Variants in MAP3K10 observed in about 807,000 individuals in gnomAD.
MAP3K10 encodes the protein mitogen-activated protein kinase kinase kinase 10, also known as MKN28 derived nonreceptor_type serine/threonine kinase.
A neutral mutation model predicts 75.0 loss-of-function variants in MAP3K10; 22 were observed. The ratio of observed to expected loss-of-function variants is 0.29; its 90% CI spans 0.21 to 0.42. MAP3K10 has a LOEUF of 0.42. Among genes scored for constraint, MAP3K10 ranks in the 10% least tolerant of loss-of-function variants. The pLI, the probability that MAP3K10 is intolerant of heterozygous loss-of-function variation, is 1.00. For synonymous variants in MAP3K10, 599 were observed against 612.9 expected (o/e 0.98, Z 0.34); for missense variants, 1,165 against 1,379.8 (o/e 0.84, Z 2.47).
rs574142916 is a variant in MAP3K10 at position 40,213,358 on chromosome 19, C to T, written c.1838-159C>T. On this transcript the variant is annotated intron_variant, in intron 8 of 9. Coordinates refer to ENST00000253055, the MANE Select transcript of MAP3K10 (RefSeq NM_002446.4). This position sits in a 1 kb window ranked among gnomAD's most constrained non-coding sequence, Gnocchi z 5.7. ...GGGGGTCATTTCCAGGGGCAGGGACCACCCTTCTCTGAGGCTTCTCCTGGA... is the reference window on the plus strand; with the variant it reads ...GGGGGTCATTTCCAGGGGCAGGGACTACCCTTCTCTGAGGCTTCTCCTGGA... The T allele has an allele frequency of 5.0e-5, 73 of 1,456,620 alleles. No homozygotes were observed. The African/African-American group carries it at 1.0e-3, about 20-fold the overall frequency. 90.2% of individuals were successfully genotyped at this position (1,456,620 alleles called of 1,614,324 possible).
chr19:40,191,433 G>A lies in MAP3K10; in HGVS notation c.-599G>A, dbSNP rs1318094612. ...CGGCGGCGGCGCCCACACGTCACTCGGGCCCCGCCGGTGGCCCGGGGAAGC... is the reference window on the plus strand; with the variant it reads ...CGGCGGCGGCGCCCACACGTCACTCAGGCCCCGCCGGTGGCCCGGGGAAGC... On this transcript the variant is annotated 5_prime_UTR_variant, in exon 1 of 10. Coordinates refer to ENST00000253055, the MANE Select transcript of MAP3K10 (RefSeq NM_002446.4). Among the ~76,000 whole-genome samples, 3 of 151,738 alleles carry A rather than the reference G, an allele frequency of 2.0e-5. No homozygotes were observed. The highest frequency in any genetic ancestry group is 4.4e-5 in the Non-Finnish European group (3 of 67,794).
At position 40,204,883 on chromosome 19, in the gene MAP3K10, T is replaced by C. The variant is rs2040469837; in HGVS notation, c.1013-238T>C. 2 of 619,962 alleles carry C rather than the reference T, an allele frequency of 3.2e-6. No homozygotes were observed. The highest frequency in any genetic ancestry group is 3.0e-5 in the Admixed American group (1 of 33,848). The allele number at this position is 619,962 out of a possible 1,614,324, so 38.4% of individuals were successfully genotyped here. A position where few individuals can be genotyped will look rare whatever the true frequency, so the allele number is the denominator to read the frequency against. On this transcript the variant is annotated intron_variant, in intron 3 of 9. Coordinates refer to ENST00000253055, the MANE Select transcript of MAP3K10 (RefSeq NM_002446.4). The surrounding 1 kb of genome is among the most constrained non-coding windows in gnomAD (Gnocchi z 4.3). ...ATTCCTTGGCCCTGGGATTCCACCT[T>C]GATCCTGATTCCACTACCAGCCCCT...
At chr19:40,206,193 G>T (rs1214466062) in intron 5 of MAP3K10, 36 bp downstream of exon 5, 3 of 1,548,800 alleles carry the variant, frequency 1.9e-6, no homozygotes, top group Non-Finnish European at 2.6e-6. Context: ...CCCCCAAGAG[G>T]CTGCTGGGAG....
intron 1 of MAP3K10, among the ~76,000 whole-genome samples, chr19:40,196,753 A>C (rs1335040160): frequency 6.6e-6 from 1 of 152,138 alleles, no homozygotes; most frequent in African/African-American, 2.4e-5. Context: ...TCCTGACCTC[A>C]AGTGATCCAC....
At chr19:40,201,940 T>A (rs1973033223) in intron 2 of MAP3K10, among the ~76,000 whole-genome samples, 1 of 151,702 alleles carries the variant, frequency 6.6e-6, no homozygotes, top group Non-Finnish European at 1.5e-5. Flanking sequence ...GTGTGTCAGG[T>A]ATTTGCCTAA....
intron 5 of MAP3K10, among the ~76,000 whole-genome samples, chr19:40,206,608 CA>C (rs916697509): frequency 3.3e-5 from 5 of 151,670 alleles, no homozygotes; most frequent in African/African-American, 1.2e-4. Context: ...AGAAAATGAC[CA>C]AAAACCTGTA....
Position 40,215,057 on chromosome 19 carries a change from GCCCCACCA to G in MAP3K10, c.2634_2641del (p.Thr879AspfsTer86). On this transcript the variant is annotated frameshift_variant, in exon 10 of 10. Coordinates refer to ENST00000253055, the MANE Select transcript of MAP3K10 (RefSeq NM_002446.4). LOFTEE classifies it high-confidence loss of function. ...CGCCGGCCCCCTGAGTTCCCAGGCC[GCCCCACCA>G]CCCTGACCTTTGCCCCGAGACCTCG... 6.6e-7 allele frequency: 1 copy of G among 1,524,284 alleles called. No homozygotes were observed. 94.4% of individuals were successfully genotyped at this position (1,524,284 alleles called of 1,614,324 possible). A position where few individuals can be genotyped will look rare whatever the true frequency, so the allele number is the denominator to read the frequency against.
Position 40,198,611 on chromosome 19 carries a change from T to G in MAP3K10, c.863+56T>G. On this transcript the variant is annotated intron_variant, in intron 2 of 9. Transcript: ENST00000253055. The surrounding 1 kb of genome is among the most constrained non-coding windows in gnomAD (Gnocchi z 4.3). ...GGGGAGTAAGGGAGGGAGGAAGGGG[T>G]GAGGGCAGAGTGGGAGGGAGGGTCT... 6.5e-7 allele frequency: 1 copy of G among 1,528,534 alleles called. No homozygotes were observed. The highest frequency in any genetic ancestry group is 2.3e-5 in the East Asian group (1 of 43,286). The allele number at this position is 1,528,534 out of a possible 1,614,324, so 94.7% of individuals were successfully genotyped here. A position where few individuals can be genotyped will look rare whatever the true frequency, so the allele number is the denominator to read the frequency against.
chr19:40,213,070 C>T lies in MAP3K10; in HGVS notation c.1725-6C>T. Reference sequence around the variant, plus strand: ...TGAGGTCTCCATCTCTCCCTGGACCCCGCAGGCTGAAGGGGCTGGGGGAAG... The same window carrying T: ...TGAGGTCTCCATCTCTCCCTGGACCTCGCAGGCTGAAGGGGCTGGGGGAAG... On this transcript the variant is annotated splice_polypyrimidine_tract_variant and splice_region_variant and intron_variant, in intron 7 of 9. Transcript: ENST00000253055. This position sits in a 1 kb window ranked among gnomAD's most constrained non-coding sequence, Gnocchi z 5.7. The T allele has an allele frequency of 6.2e-7, 1 of 1,605,726 alleles. No homozygotes were observed. Among genetic ancestry groups the T allele is most frequent in the South Asian group, 1.1e-5 (1 of 89,550 alleles).
chr19:40,197,006 C>T (rs764777563), intron 1 of MAP3K10, among the ~76,000 whole-genome samples: 14 of 152,128 alleles, frequency 9.2e-5, no homozygotes, highest in Admixed American at 5.9e-4. Context: ...GATTTTGTCA[C>T]GATCATGCTG....
rs901875109 is a variant in MAP3K10, at chr19:40,198,166, C to T, written c.683-209C>T. Among the ~76,000 whole-genome samples the T allele has an allele frequency of 2.6e-5, 4 of 152,146 alleles. No homozygotes were observed. The highest frequency in any genetic ancestry group is 5.9e-5 in the Non-Finnish European group (4 of 68,016). ...GAGGGCAGAGGACACAGGAGGAGCTCCCTACTCCCTCATGGGAGCCTGGGA... is the reference window on the plus strand; with the variant it reads ...GAGGGCAGAGGACACAGGAGGAGCTTCCTACTCCCTCATGGGAGCCTGGGA... On this transcript the variant is annotated intron_variant, in intron 1 of 9. Transcript: ENST00000253055. The surrounding 1 kb of genome is among the most constrained non-coding windows in gnomAD (Gnocchi z 4.3).
rs149852844 is a variant in MAP3K10 at position 40,214,976 on chromosome 19, G to C, written c.2549G>C (p.Arg850Pro). The C allele has an allele frequency of 4.5e-6, 7 of 1,551,896 alleles. No homozygotes were observed. Among genetic ancestry groups the C allele is most frequent in the Admixed American group, 3.4e-5 (2 of 59,488 alleles). ...PEPAGHGPGP[R>P]DLLDFPRLPD... ...TCTGAACCTCTCTTACCAGGCCCTC[G>C]TGACCTTCTGGACTTCCCCCGCCTG... Residue 850 changes from arginine (R) to proline (P), a missense_variant, in exon 10 of 10, where the codon CGT (arginine) becomes CCT (proline). This residue lies in a region of MAP3K10 where 590 missense variants were observed against 586.6 expected (regional missense o/e 1.01). Transcript: ENST00000253055.
chr19:40,199,169 G>T (rs1381198819), intron 2 of MAP3K10, among the ~76,000 whole-genome samples: 1 of 152,196 alleles, frequency 6.6e-6, no homozygotes, highest in Admixed American at 6.6e-5. Flanking sequence ...CTGTCAGACA[G>T]GAAAATGATT....
chr19:40,198,314 G>C lies in MAP3K10; in HGVS notation c.683-61G>C, dbSNP rs151182723. 3.1e-4 allele frequency: 474 copies of C among 1,515,060 alleles called. 4 individuals carry two copies. The East Asian group carries it at 0.01, about 33-fold the overall frequency. The allele number at this position is 1,515,060 out of a possible 1,614,324, so 93.9% of individuals were successfully genotyped here. A position where few individuals can be genotyped will look rare whatever the true frequency, so the allele number is the denominator to read the frequency against. Reference sequence around the variant, plus strand: ...TGTTTCTAGCTGAGGCAGCGGGCCAGAACACTTGGGTCTGCGGCGTGGCAG... The same window carrying C: ...TGTTTCTAGCTGAGGCAGCGGGCCACAACACTTGGGTCTGCGGCGTGGCAG... On this transcript the variant is annotated intron_variant, in intron 1 of 9. Coordinates refer to ENST00000253055, the MANE Select transcript of MAP3K10 (RefSeq NM_002446.4). The surrounding 1 kb of genome is among the most constrained non-coding windows in gnomAD (Gnocchi z 4.3).
chr19:40,215,032 C>T lies in MAP3K10; in HGVS notation c.2605C>T (p.Arg869Cys), dbSNP rs759464912. ...PDPQALFPAR[R>C]RPPEFPGRPT... The stretch of plus-strand genomic sequence containing the variant: ...CCCCCAGGCCCTGTTCCCAGCCCGC[C>T]GCCGGCCCCCTGAGTTCCCAGGCCG... Residue 869 changes from arginine (R) to cysteine (C), a missense_variant, in exon 10 of 10, where the codon CGC (arginine) becomes TGC (cysteine). Coordinates refer to ENST00000253055, the MANE Select transcript of MAP3K10 (RefSeq NM_002446.4). 6.2e-6 allele frequency: 10 copies of T among 1,603,276 alleles called. No homozygotes were observed. The highest frequency in any genetic ancestry group is 3.3e-5 in the Admixed American group (2 of 59,828).
intron 6 of MAP3K10, among the ~76,000 whole-genome samples, chr19:40,210,237 G>A (rs1316546897): frequency 2.6e-5 from 4 of 151,628 alleles, no homozygotes; most frequent in Middle Eastern, 3.4e-3. Flanking sequence ...ACTGCACTCC[G>A]GCCTGGGCGA....
In MAP3K10 at chr19:40,212,711, G is replaced by A. The variant is rs1377072237; in HGVS notation, c.1553-94G>A. On this transcript the variant is annotated intron_variant, in intron 6 of 9. Transcript: ENST00000253055. The surrounding 1 kb of genome is among the most constrained non-coding windows in gnomAD (Gnocchi z 4.2). ...TTCAAAAGAGCCCTTGGACTCCCAG[G>A]CGGAGGGTGGGCCTGAGCTGGGGGC... 7 of 1,496,524 alleles carry A rather than the reference G, an allele frequency of 4.7e-6. No individual in the cohort carries two copies. The Admixed American group carries it at 6.4e-5, about 14-fold the overall frequency. 92.7% of individuals were successfully genotyped at this position (1,496,524 alleles called of 1,614,324 possible).
Position 40,205,418 on chromosome 19 carries a change from T to C in MAP3K10, c.1188+122T>C, listed in dbSNP as rs1973101577. 3.0e-6 allele frequency: 3 copies of C among 1,015,360 alleles called. No homozygotes were observed. Among genetic ancestry groups the C allele is most frequent in the Admixed American group, 5.7e-5 (2 of 35,208 alleles). 62.9% of individuals were successfully genotyped at this position (1,015,360 alleles called of 1,614,324 possible). A position where few individuals can be genotyped will look rare whatever the true frequency, so the allele number is the denominator to read the frequency against. The stretch of plus-strand genomic sequence containing the variant: ...GGGTCCATGCAGGGTCAAGGGAGCC[T>C]TTTTTGCATATTAAGAAAAGACAGC... On this transcript the variant is annotated intron_variant, in intron 4 of 9. Transcript: ENST00000253055. The surrounding 1 kb of genome is among the most constrained non-coding windows in gnomAD (Gnocchi z 4.3).
chr19:40,214,281 G>T, intron 9 of MAP3K10, 60 bp downstream of exon 9: 1 of 1,360,178 alleles, frequency 7.4e-7, no homozygotes, highest in Non-Finnish European at 9.4e-7. Context: ...CTCTGCCAGG[G>T]TCGCAAGTCC....
Sources: allele counts gnomAD v4.1 joint callset (sites outside exome capture counted in the v4.1 genomes callset), GRCh38; gene constraint gnomAD v4.1.1; regional missense constraint gnomAD v4.1.1; non-coding constraint Gnocchi (gnomAD v3.1); transcripts MANE v1.5; gene names NCBI Gene and HGNC (gene_info 2026-07-23, HGNC 2026-07-21).